PCDHGA4: variants seen among roughly 807,000 people sequenced by gnomAD.
PCDHGA4 encodes the protein protocadherin gamma subfamily A, 4, also known as protocadherin gamma-A4.
In PCDHGA4, 38 loss-of-function variants were observed where a neutral mutation model predicts 54.6. That is an observed-to-expected ratio of 0.70 (90% confidence interval 0.54 to 0.91). PCDHGA4 has a LOEUF of 0.91. Ranked by LOEUF, PCDHGA4 falls within the 40% of genes least tolerant of loss-of-function variation. The pLI is 0.00. For missense variants in PCDHGA4, 1,298 were observed against 1,220.9 expected, an observed-to-expected ratio of 1.06 and a Z score of -0.94; for synonymous variants, 511 against 512.9, an observed-to-expected ratio of 1.00 and a Z score of 0.05.
In PCDHGA4 at chr5:141,355,536, T is replaced by C. The variant is rs1403800891; in HGVS notation, c.429T>C (p.Asp143=). Residue 143 remains aspartate, a synonymous_variant, in exon 1 of 4, where the codon GAT becomes GAC. Coordinates refer to ENST00000571252, the MANE Select transcript of PCDHGA4 (RefSeq NM_018917.4). ...CAAACCTGGAGATTCTTCTAGAAGA[T>C]ACAGTGAAGATTTTGCGGGTAGAGG... ...CVTNLEILLE[D]TVKILRVEVE... is the part of the protein sequence containing the mutation. 2.5e-6 allele frequency: 4 copies of C among 1,613,864 alleles called. No individual in the cohort carries two copies. In the South Asian group the frequency reaches 3.3e-5, roughly 13 times the overall value.
intron 1 of PCDHGA4, chr5:141,383,745 G>A: frequency 6.2e-7 from 1 of 1,613,954 alleles, no homozygotes; most frequent in Non-Finnish European, 8.5e-7. Context: ...ATTCTTTTCG[G>A]AAAATAACTC....
chr5:141,505,591 G>C (rs2099846959), intron 3 of PCDHGA4, 110 bp downstream of exon 3: 2 of 1,570,280 alleles, frequency 1.3e-6, no homozygotes, highest in African/African-American at 2.7e-5. Flanking sequence ...AGTTTCTCCA[G>C]ATCTTTCGGC....
At chr5:141,372,125 G>A in intron 1 of PCDHGA4, 2 of 1,613,718 alleles carry the variant, frequency 1.2e-6, no homozygotes, top group East Asian at 2.2e-5. Context: ...TCTTCGATAT[G>A]GTGCCGCGCT....
intron 1 of PCDHGA4, among the ~76,000 whole-genome samples, chr5:141,468,946 C>T (rs1437282358): frequency 7.0e-6 from 1 of 141,900 alleles, no homozygotes; most frequent in East Asian, 2.0e-4. Context: ...ATGGGGTAAA[C>T]CTGTGGTTTT....
intron 1 of PCDHGA4, chr5:141,376,039 C>T (rs1772194852): frequency 7.4e-6 from 12 of 1,613,226 alleles, no homozygotes; most frequent in Non-Finnish European, 1.0e-5. Context: ...ACGGCCAGCC[C>T]CCTCTCTCCG....
intron 1 of PCDHGA4, among the ~76,000 whole-genome samples, chr5:141,470,417 T>A (rs1482173610): frequency 6.6e-6 from 1 of 152,226 alleles, no homozygotes; most frequent in East Asian, 1.9e-4. Context: ...ATTTTATGTA[T>A]TTTTTCCTTG....
chr5:141,428,057 G>C (rs766786963), intron 1 of PCDHGA4: 2 of 1,609,044 alleles, frequency 1.2e-6, no homozygotes, highest in East Asian at 2.2e-5. Flanking sequence ...AGGTGGTGGC[G>C]GTGGACGCAG....
At chr5:141,455,506 G>T (rs1307993951) in intron 1 of PCDHGA4, among the ~76,000 whole-genome samples, 1 of 152,152 alleles carries the variant, frequency 6.6e-6, no homozygotes, top group African/African-American at 2.4e-5. Flanking sequence ...ATTTGCATAG[G>T]GCTCAGGGGA....
rs70988802 is a variant in PCDHGA4 at position 141,450,006 on chromosome 5, C to CTA, written c.2515-44800_2515-44799insAT. ...CACATTGCATTTAGTTGCCATGTCT[C>CTA]TTTTTTTTTTTTTTTTTTGAGACAG... On this transcript the variant is annotated intron_variant, in intron 1 of 3. Coordinates refer to ENST00000571252, the MANE Select transcript of PCDHGA4 (RefSeq NM_018917.4). Among the ~76,000 whole-genome samples the CTA allele has an allele frequency of 6.0e-5, 8 of 132,986 alleles. 1 individual carries two copies. The highest frequency in any genetic ancestry group is 9.5e-5 in the Non-Finnish European group (6 of 62,926). The allele number at this position is 132,986 out of a possible 152,430, so 87.2% of individuals were successfully genotyped here. A position where few individuals can be genotyped will look rare whatever the true frequency, so the allele number is the denominator to read the frequency against.
chr5:141,450,454 G>A (rs144071286), intron 1 of PCDHGA4, among the ~76,000 whole-genome samples: 3,498 of 151,958 alleles, frequency 0.023, 60 homozygotes, highest in Middle Eastern at 0.051. Flanking sequence ...ATGTTTCCTC[G>A]TGATTTTATA....
intron 1 of PCDHGA4, chr5:141,427,815 G>A: frequency 6.5e-7 from 1 of 1,527,760 alleles, no homozygotes; most frequent in Non-Finnish European, 9.0e-7. Context: ...ACAGAGCGGG[G>A]TGGTGGTCGC....
rs1377135804 is a variant in PCDHGA4 at position 141,356,028 on chromosome 5, C to T, written c.921C>T (p.Asp307=). 2.5e-6 allele frequency: 4 copies of T among 1,613,814 alleles called. No individual in the cohort carries two copies. The highest frequency in any genetic ancestry group is 1.3e-5 in the African/African-American group (1 of 74,928). The stretch of plus-strand genomic sequence containing the variant: ...ATCCAGATGAAGGAGCCAATGGAGA[C>T]GTGACGTATTCTTTCCGGAAAGTAA... The part of the protein sequence containing the change: ...ATDPDEGANG[D]VTYSFRKVRD... The change falls in exon 1 of 4, where the codon GAC becomes GAT. Residue 307 remains aspartate (D), a synonymous_variant. Transcript: ENST00000571252.
At chr5:141,359,184 A>G (rs984361928) in intron 1 of PCDHGA4, among the ~76,000 whole-genome samples, 1 of 152,202 alleles carries the variant, frequency 6.6e-6, no homozygotes, top group Non-Finnish European at 1.5e-5. Flanking sequence ...AGCAGAAAGC[A>G]GAAATAACAA....
At chr5:141,372,173 G>A (rs780828000) in intron 1 of PCDHGA4, 2 of 1,613,722 alleles carry the variant, frequency 1.2e-6, no homozygotes, top group Non-Finnish European at 1.7e-6. Context: ...AGGTGGTGGC[G>A]GTGGACGCAG....
intron 1 of PCDHGA4, chr5:141,375,967 G>A (rs200712802): frequency 2.6e-5 from 42 of 1,613,250 alleles, no homozygotes; most frequent in Non-Finnish European, 3.5e-5. Flanking sequence ...AGGTGCGCAC[G>A]GCGCGCGCCC....
chr5:141,402,942 G>A, intron 1 of PCDHGA4: 1 of 1,591,382 alleles, frequency 6.3e-7, no homozygotes, highest in Non-Finnish European at 8.6e-7. Flanking sequence ...AAATTCCAAA[G>A]CGAGGCAGCA....
chr5:141,421,562 A>G (rs1326874908), intron 1 of PCDHGA4: 1 of 1,613,992 alleles, frequency 6.2e-7, no homozygotes, highest in South Asian at 1.1e-5. Context: ...CTTCTCGTGG[A>G]AGACACCTTG....
intron 1 of PCDHGA4, chr5:141,400,524 GGTGA>G (rs1307110266): frequency 1.2e-6 from 2 of 1,613,920 alleles, no homozygotes; most frequent in Admixed American, 3.3e-5. Context: ...ATCCTGAGTT[GGTGA>G]GTTTCATTTA....
intron 1 of PCDHGA4, chr5:141,394,181 C>T (rs1232533966): frequency 1.2e-6 from 2 of 1,613,928 alleles, no homozygotes; most frequent in East Asian, 4.5e-5. Flanking sequence ...CTCATGCCTC[C>T]TACTCAGCGT....
Sources: allele counts gnomAD v4.1 joint callset (sites outside exome capture counted in the v4.1 genomes callset), GRCh38; gene constraint gnomAD v4.1.1; transcripts MANE v1.5; gene names NCBI Gene and HGNC (gene_info 2026-07-23, HGNC 2026-07-21).